MYO5A: variants seen among roughly 807,000 people sequenced by gnomAD.
MYO5A encodes the protein unconventional myosin-Va.
In MYO5A, 98 loss-of-function variants were observed where a neutral mutation model predicts 249.7. The observed-to-expected ratio is 0.39, with a 90% confidence interval of 0.33 to 0.46. The LOEUF (loss-of-function observed/expected upper bound fraction) is 0.46, where lower values mean the gene tolerates loss of function less well. Among genes scored for constraint, MYO5A ranks in the 20% least tolerant of loss-of-function variants. The pLI is 0.98. For missense variants in MYO5A, 1,696 were observed against 2,308.8 expected (o/e 0.73, Z 5.44); for synonymous variants, 778 against 810.6 (o/e 0.96, Z 0.68).
intron 1 of MYO5A, chr15:52,505,692 C>A: frequency 7.8e-7 from 1 of 1,277,138 alleles, no homozygotes; most frequent in South Asian, 1.2e-5. Context: ...AAGCAGACGT[C>A]TTAGTCTGGG....
intron 1 of MYO5A, among the ~76,000 whole-genome samples, chr15:52,485,238 G>C (rs190160468): frequency 1.0e-5 from 1 of 96,848 alleles, no homozygotes; most frequent in African/African-American, 4.3e-5. Flanking sequence ...ATCTTTAAAA[G>C]AGAATAAAGA....
At chr15:52,342,199 T>TA (rs1470134357) in intron 31 of MYO5A, among the ~76,000 whole-genome samples, 2 of 151,772 alleles carry the variant, frequency 1.3e-5, no homozygotes, top group African/African-American at 2.4e-5. Flanking sequence ...CTACAAAAAA[T>TA]AAAAAAATTA....
At chr15:52,352,639 C>T (rs1454170503) in intron 27 of MYO5A, among the ~76,000 whole-genome samples, 3 of 151,914 alleles carry the variant, frequency 2.0e-5, no homozygotes, top group Admixed American at 6.6e-5. Context: ...AAAAATCAGC[C>T]GGGCGTGGTG....
chr15:52,459,939 C>T lies in MYO5A; in HGVS notation c.28-26654G>A, dbSNP rs959645849. Among the ~76,000 whole-genome samples the T allele has an allele frequency of 1.5e-4, 23 of 151,020 alleles. 1 individual carries two copies. Among genetic ancestry groups the T allele is most frequent in the African/African-American group, 4.4e-4 (18 of 40,998 alleles). On this transcript the variant is annotated intron_variant, in intron 1 of 41. Coordinates refer to ENST00000399233, the MANE Select transcript of MYO5A (RefSeq NM_001382347.1). ...CTCCTCACTTCTCAGACGGGGCGGC[C>T]GGTCAGAGACGCTCCTCACCTCCCA... is the stretch of plus-strand genomic sequence containing the variant.
At chr15:52,467,693 C>CA (rs930949022) in intron 1 of MYO5A, among the ~76,000 whole-genome samples, 4 of 151,460 alleles carry the variant, frequency 2.6e-5, no homozygotes, top group South Asian at 2.1e-4. Flanking sequence ...AAATAAACTG[C>CA]AAAAAAAACT....
chr15:52,527,145 T>C (rs2077743645), intron 1 of MYO5A, among the ~76,000 whole-genome samples: 1 of 152,210 alleles, frequency 6.6e-6, no homozygotes, highest in African/African-American at 2.4e-5. Flanking sequence ...ACAAACTTGA[T>C]GTAGAAGTGG....
At position 52,513,153 on chromosome 15, in the gene MYO5A, G is replaced by A. The variant is rs12900996; in HGVS notation, c.27+15627C>T. On this transcript the variant is annotated intron_variant, in intron 1 of 41. Coordinates refer to ENST00000399233, the MANE Select transcript of MYO5A (RefSeq NM_001382347.1). ...CACCAGGCTACAGAATAAGCTGGCC[G>A]GGTGCGGTGGCTCACACCCGTAATC... 2.0e-3 allele frequency among the ~76,000 whole-genome samples: 294 copies of A among 143,988 alleles called. 1 individual carries two copies. The highest frequency in any genetic ancestry group is 3.2e-3 in the Non-Finnish European group (211 of 65,532). The allele number at this position is 143,988 out of a possible 152,430, so 94.5% of individuals were successfully genotyped here.
chr15:52,318,342 G>A (rs769664652), intron 39 of MYO5A, among the ~76,000 whole-genome samples: 6 of 151,270 alleles, frequency 4.0e-5, no homozygotes, highest in Non-Finnish European at 7.4e-5. Flanking sequence ...TGTAATCCCA[G>A]CTACTTGGGA....
At chr15:52,338,754 T>G (rs1458506385) in intron 32 of MYO5A, among the ~76,000 whole-genome samples, 1 of 152,158 alleles carries the variant, frequency 6.6e-6, no homozygotes, top group Non-Finnish European at 1.5e-5. Context: ...GCCAAAAAAA[T>G]TAATATTGCA....
intron 39 of MYO5A, among the ~76,000 whole-genome samples, chr15:52,317,779 C>T (rs1198959898): frequency 3.3e-5 from 5 of 152,164 alleles, no homozygotes; most frequent in African/African-American, 1.2e-4. Flanking sequence ...AAGGGAGGGC[C>T]ACTGGAAGAG....
At chr15:52,380,389 T>C (rs995489950) in intron 16 of MYO5A, among the ~76,000 whole-genome samples, 1 of 147,640 alleles carries the variant, frequency 6.8e-6, no homozygotes, top group Admixed American at 6.7e-5. Context: ...TGAGCCAAGA[T>C]CGCACCACTG....
chr15:52,404,910 G>C (rs983885891), intron 9 of MYO5A, among the ~76,000 whole-genome samples: 1 of 152,148 alleles, frequency 6.6e-6, no homozygotes, highest in African/African-American at 2.4e-5. Flanking sequence ...AGGCAGTGGG[G>C]AGTCCTGAAA....
chr15:52,343,738 C>T (rs1172894271), intron 30 of MYO5A, among the ~76,000 whole-genome samples: 1 of 152,200 alleles, frequency 6.6e-6, no homozygotes. Flanking sequence ...CCAAGGTTCT[C>T]AGCTTTTATG....
chr15:52,322,773 T>G (rs758277488), intron 37 of MYO5A, among the ~76,000 whole-genome samples: 10 of 152,106 alleles, frequency 6.6e-5, no homozygotes, highest in Non-Finnish European at 1.2e-4. Context: ...CCCTTTTTTT[T>G]TTTAGAGTTA....
At chr15:52,355,660 A>G (rs2040182963) in intron 25 of MYO5A, among the ~76,000 whole-genome samples, 3 of 152,320 alleles carry the variant, frequency 2.0e-5, no homozygotes, top group Non-Finnish European at 2.9e-5. Flanking sequence ...ATTTAATTAT[A>G]TATTGTCTTA....
chr15:52,341,062 T>C (rs759006872), intron 31 of MYO5A, among the ~76,000 whole-genome samples: 4 of 152,192 alleles, frequency 2.6e-5, no homozygotes, highest in Non-Finnish European at 5.9e-5. Context: ...GCATTTAAAT[T>C]GGCAAAGACA....
chr15:52,478,536 A>G (rs371169854), intron 1 of MYO5A, among the ~76,000 whole-genome samples: 4 of 152,156 alleles, frequency 2.6e-5, no homozygotes, highest in African/African-American at 9.7e-5. Context: ...AGCTGTTCCT[A>G]TTCAGCCATT....
chr15:52,316,295 G>A (rs7168076), intron 40 of MYO5A, among the ~76,000 whole-genome samples: 7,434 of 151,020 alleles, frequency 0.049, 528 homozygotes, highest in African/African-American at 0.16. Context: ...AAAATAACCG[G>A]GCAAAAGAAA....
chr15:52,346,318 C>A, intron 30 of MYO5A, 43 bp downstream of exon 30: 2 of 1,221,982 alleles, frequency 1.6e-6, no homozygotes, highest in South Asian at 1.2e-5. Context: ...GGCTAAAGAT[C>A]AATATAATTA....
Sources: allele counts gnomAD v4.1 joint callset (sites outside exome capture counted in the v4.1 genomes callset), GRCh38; gene constraint gnomAD v4.1.1; transcripts MANE v1.5; gene names NCBI Gene and HGNC (gene_info 2026-07-23, HGNC 2026-07-21).